Variants in SLC24A2 observed in about 807,000 individuals in gnomAD.
SLC24A2 encodes sodium/potassium/calcium exchanger 2.
SLC24A2 carries 36 observed loss-of-function variants against 62.0 expected under a neutral mutation model. That is an observed-to-expected ratio of 0.58 (90% confidence interval 0.44 to 0.77). The LOEUF (loss-of-function observed/expected upper bound fraction) is 0.77. Ranked by LOEUF, SLC24A2 falls within the 30% of genes least tolerant of loss-of-function variation. SLC24A2 has a pLI of 0.00. For synonymous variants in SLC24A2, 358 were observed against 294.0 expected (o/e 1.22, Z -2.23); for missense variants, 846 against 817.9 (o/e 1.03, Z -0.42).
At chr9:19,521,405 G>T (rs550894111) in intron 9 of SLC24A2, among the ~76,000 whole-genome samples, 5 of 152,282 alleles carry the variant, frequency 3.3e-5, no homozygotes, top group Non-Finnish European at 7.3e-5. Context: ...AATCCAGGGG[G>T]CAGCACCTGG....
At chr9:19,542,921 G>C (rs1001709569) in intron 8 of SLC24A2, among the ~76,000 whole-genome samples, 4 of 152,160 alleles carry the variant, frequency 2.6e-5, no homozygotes, top group Non-Finnish European at 5.9e-5. Flanking sequence ...TCTCTGGCAG[G>C]TTTTGGTATC....
At chr9:20,069,434 A>C in the SLC24A2 span, among the ~76,000 whole-genome samples, 1 of 152,232 alleles carries the variant, frequency 6.6e-6, no homozygotes, top group Non-Finnish European at 1.5e-5. Context: ...ATAAACTATA[A>C]ACATGCAAAC....
the SLC24A2 span, among the ~76,000 whole-genome samples, chr9:20,107,095 T>C: frequency 4.6e-5 from 7 of 152,340 alleles, no homozygotes; most frequent in African/African-American, 1.4e-4. Context: ...CCATTCACAA[T>C]TGCTTCAAAG....
the SLC24A2 span, among the ~76,000 whole-genome samples, chr9:19,992,857 C>T: frequency 6.6e-6 from 1 of 152,178 alleles, no homozygotes; most frequent in African/African-American, 2.4e-5. Flanking sequence ...GAATCCCTTC[C>T]TGGGAACCGC....
At chr9:19,654,481 G>A (rs557096771) in intron 2 of SLC24A2, among the ~76,000 whole-genome samples, 13 of 152,210 alleles carry the variant, frequency 8.5e-5, no homozygotes, top group Non-Finnish European at 1.2e-4. Flanking sequence ...CTGCCCATTC[G>A]ATTGCTCCAT....
intron 10 of SLC24A2, among the ~76,000 whole-genome samples, chr9:19,520,472 G>T (rs1022483917): frequency 2.0e-5 from 3 of 152,188 alleles, no homozygotes; most frequent in Admixed American, 6.5e-5. Flanking sequence ...AAGGAAACAG[G>T]ATATGTATGG....
chr9:20,054,855 C>T, the SLC24A2 span, among the ~76,000 whole-genome samples: 2 of 152,192 alleles, frequency 1.3e-5, no homozygotes, highest in Non-Finnish European at 1.5e-5. Context: ...GTCAGCCACT[C>T]TGATTAATGT....
At chr9:19,715,954 A>C (rs1271702926) in intron 2 of SLC24A2, among the ~76,000 whole-genome samples, 2 of 152,162 alleles carry the variant, frequency 1.3e-5, no homozygotes, top group Non-Finnish European at 2.9e-5. Flanking sequence ...CAGGGACAAA[A>C]ACTCAAATAA....
chr9:20,184,543 A>G, the SLC24A2 span, among the ~76,000 whole-genome samples: 346 of 152,268 alleles, frequency 2.3e-3, 1 homozygote, highest in African/African-American at 8.1e-3. Flanking sequence ...GCGAGACTCC[A>G]TCTCAAACAA....
chr9:19,958,538 A>G, the SLC24A2 span, among the ~76,000 whole-genome samples: 3 of 152,212 alleles, frequency 2.0e-5, no homozygotes, highest in African/African-American at 7.2e-5. Context: ...TCGGGTGCAG[A>G]TCGGCGAGCA....
At chr9:19,783,139 G>C (rs936957947) in intron 2 of SLC24A2, among the ~76,000 whole-genome samples, 2 of 152,102 alleles carry the variant, frequency 1.3e-5, no homozygotes, top group Non-Finnish European at 2.9e-5. Context: ...ATCAACAATG[G>C]AACCAAATTA....
chr9:19,898,897 T>G, the SLC24A2 span, among the ~76,000 whole-genome samples: 17 of 152,122 alleles, frequency 1.1e-4, no homozygotes, highest in African/African-American at 3.6e-4. Context: ...GGTTATTAGG[T>G]GGCTCAGAGG....
At chr9:20,197,725 G>A in the SLC24A2 span, among the ~76,000 whole-genome samples, 1 of 152,048 alleles carries the variant, frequency 6.6e-6, no homozygotes, top group African/African-American at 2.4e-5. Context: ...AGCCGAGCCA[G>A]GCCATAATTG....
the SLC24A2 span, among the ~76,000 whole-genome samples, chr9:20,281,477 C>T: frequency 2.0e-5 from 3 of 152,146 alleles, no homozygotes; most frequent in African/African-American, 7.2e-5. Context: ...ACTCTTTTCT[C>T]GGTCACTACT....
the SLC24A2 span, among the ~76,000 whole-genome samples, chr9:19,889,863 C>T: frequency 6.6e-6 from 1 of 152,216 alleles, no homozygotes; most frequent in African/African-American, 2.4e-5. Flanking sequence ...GTTACTTCAT[C>T]AATACCGGTT....
chr9:19,793,768 A>G (rs534754764), upstream of SLC24A2, among the ~76,000 whole-genome samples: 248 of 152,288 alleles, frequency 1.6e-3, 1 homozygote, highest in African/African-American at 5.2e-3. Context: ...TCCCTGCCTA[A>G]CTAAGAATTA....
intron 7 of SLC24A2, among the ~76,000 whole-genome samples, chr9:19,562,374 A>T (rs1331617208): frequency 6.6e-6 from 1 of 152,112 alleles, no homozygotes; most frequent in African/African-American, 2.4e-5. Flanking sequence ...AATGTATCTT[A>T]TGGGAACAAT....
intron 2 of SLC24A2, among the ~76,000 whole-genome samples, chr9:19,731,377 C>T (rs76065560): frequency 0.021 from 3,173 of 152,192 alleles, 116 homozygotes; most frequent in African/African-American, 0.072. Flanking sequence ...GCTCTAACCC[C>T]CAATGTAACT....
At chr9:19,734,823 C>T (rs561107216) in intron 2 of SLC24A2, among the ~76,000 whole-genome samples, 8 of 152,232 alleles carry the variant, frequency 5.3e-5, no homozygotes, top group South Asian at 2.1e-4. Flanking sequence ...AAAGCTGAAA[C>T]TGGATCCCTT....
Sources: gnomAD v4.1 joint callset for allele counts (sites outside exome capture counted in the v4.1 genomes callset) on GRCh38, gnomAD v4.1.1 for gene constraint, MANE v1.5 for transcripts, NCBI Gene and HGNC (gene_info 2026-07-23, HGNC 2026-07-21) for gene names.